The following VPS13A variants were observed in gnomAD, a reference collection of about 807,000 sequenced individuals.
VPS13A encodes vacuolar protein sorting 13 homolog A.
VPS13A carries 264 observed loss-of-function variants against 390.9 expected under a neutral mutation model. The observed-to-expected ratio is 0.68, with a 90% CI of 0.61 to 0.75. The LOEUF is 0.75. VPS13A is among the 30% of genes least tolerant of loss of function. The pLI, the probability that VPS13A is intolerant of heterozygous loss-of-function variation, is 0.00. For synonymous variants in VPS13A, 1,231 were observed against 1,227.1 expected, an observed-to-expected ratio of 1.00 and a Z score of -0.07; for missense variants, 3,409 against 3,733.9, an observed-to-expected ratio of 0.91 and a Z score of 2.27.
At chr9:77,356,619 T>G in intron 54 of VPS13A, 95 bp from the exon 55 acceptor site, 1 of 1,379,084 alleles carries the variant, frequency 7.3e-7, no homozygotes, top group Non-Finnish European at 1.0e-6. Context: ...GTTCTGAAAT[T>G]TTAGTGAAGG....
At chr9:77,375,558 G>A (rs1343730448) in intron 67 of VPS13A, among the ~76,000 whole-genome samples, 4 of 152,140 alleles carry the variant, frequency 2.6e-5, no homozygotes, top group Admixed American at 2.6e-4. Context: ...AAAGAACTAA[G>A]TAGGAAGATA....
intron 27 of VPS13A, 135 bp downstream of exon 27, chr9:77,280,373 T>A (rs915027942): frequency 1.5e-6 from 1 of 646,490 alleles, no homozygotes; most frequent in Non-Finnish European, 2.6e-6. Flanking sequence ...ATACTAAGGT[T>A]TTTTTTATTT....
chr9:77,292,467 GT>G (rs994078204), intron 31 of VPS13A, among the ~76,000 whole-genome samples: 2 of 151,690 alleles, frequency 1.3e-5, no homozygotes, highest in Non-Finnish European at 2.9e-5. Flanking sequence ...AGTTTATCGG[GT>G]TTTTTTTCCT....
chr9:77,260,718 A>G lies in VPS13A; in HGVS notation c.2427+494A>G, dbSNP rs78310541. ...AAGTATAAATAGTTAAGAAAGATAT[A>G]AAATAATAAATCTACTTTTCTAATT... On this transcript the variant is annotated intron_variant, in intron 23 of 71. Transcript: ENST00000360280. 4.9e-3 allele frequency among the ~76,000 whole-genome samples: 739 copies of G among 152,148 alleles called. 6 individuals are homozygous for G. The highest frequency in any genetic ancestry group is 0.017 in the African/African-American group (701 of 41,520).
chr9:77,247,403 CTAA>C lies in VPS13A; in HGVS notation c.2037+14_2037+16del. 6.2e-7 allele frequency: 1 copy of C among 1,601,422 alleles called. No individual in the cohort carries two copies. Among genetic ancestry groups the C allele is most frequent in the Non-Finnish European group, 8.5e-7 (1 of 1,174,426 alleles). On this transcript the variant is annotated intron_variant, in intron 20 of 71. Coordinates refer to ENST00000360280, the MANE Select transcript of VPS13A (RefSeq NM_033305.3). ...GACCTTGGTCATCTAAAGGTATATA[CTAA>C]TAATATTTGATTTATGATACAGCAT...
At chr9:77,216,943 C>T (rs1199477674) in intron 10 of VPS13A, among the ~76,000 whole-genome samples, 3 of 152,148 alleles carry the variant, frequency 2.0e-5, no homozygotes, top group African/African-American at 7.2e-5. Flanking sequence ...TTATTCTGGC[C>T]ATGCTGGCAG....
At chr9:77,310,753 G>C (rs1829026045) in intron 35 of VPS13A, among the ~76,000 whole-genome samples, 3 of 152,082 alleles carry the variant, frequency 2.0e-5, no homozygotes, top group Admixed American at 1.3e-4. Context: ...GATGGATCAG[G>C]GGAAACAAAT....
At chr9:77,204,430 C>T (rs967588151) in intron 3 of VPS13A, among the ~76,000 whole-genome samples, 2 of 151,864 alleles carry the variant, frequency 1.3e-5, no homozygotes, top group South Asian at 2.1e-4. Flanking sequence ...AGGATGTTTT[C>T]ATTAGTTTGC....
intron 46 of VPS13A, among the ~76,000 whole-genome samples, chr9:77,336,862 T>C (rs963072462): frequency 7.0e-6 from 1 of 142,868 alleles, no homozygotes; most frequent in African/African-American, 2.6e-5. Context: ...AGTGGCGCAA[T>C]CTCGGCTCAC....
intron 68 of VPS13A, among the ~76,000 whole-genome samples, chr9:77,396,632 C>T (rs1390561911): frequency 1.3e-5 from 2 of 152,054 alleles, no homozygotes. Context: ...CCATGGCACT[C>T]GAGTCTGAGG....
chr9:77,310,818 G>C (rs1829030085), intron 35 of VPS13A, among the ~76,000 whole-genome samples: 1 of 152,132 alleles, frequency 6.6e-6, no homozygotes, highest in African/African-American at 2.4e-5. Flanking sequence ...ACAAGAAATA[G>C]ATGTTTGAAT....
intron 52 of VPS13A, among the ~76,000 whole-genome samples, chr9:77,348,441 A>G (rs1271142647): frequency 6.6e-6 from 1 of 152,128 alleles, no homozygotes; most frequent in East Asian, 1.9e-4. Context: ...AGGGAGGGGA[A>G]CAACGCACAC....
At position 77,339,854 on chromosome 9, in the gene VPS13A, T is replaced by G; in HGVS notation, c.6717T>G (p.Asn2239Lys). ...GAATTCATCGAAAGCATCCACCTAA[T>G]TATAAAAAGCCAGTTCTCTTTTCTT... is the stretch of plus-strand genomic sequence containing the variant. ...ADGIHRKHPP[N>K]YKKPVLFSFQ... Residue 2239 changes from asparagine to lysine, a missense_variant, in exon 48 of 72, where the codon AAT (asparagine) becomes AAG (lysine). Asn to Lys is a moderately conservative substitution (Grantham distance 94, BLOSUM62 0). Transcript: ENST00000360280. The G allele has an allele frequency of 6.2e-7, 1 of 1,613,762 alleles. No individual in the cohort carries two copies. Among genetic ancestry groups the G allele is most frequent in the Non-Finnish European group, 8.5e-7 (1 of 1,179,948 alleles).
chr9:77,345,603 T>C (rs1831105957), intron 52 of VPS13A, among the ~76,000 whole-genome samples: 1 of 152,214 alleles, frequency 6.6e-6, no homozygotes, highest in Non-Finnish European at 1.5e-5. Flanking sequence ...GGACTACTCT[T>C]CAACATTATT....
At chr9:77,415,324 A>G (rs1835129011) in intron 71 of VPS13A, among the ~76,000 whole-genome samples, 1 of 152,186 alleles carries the variant, frequency 6.6e-6, no homozygotes, top group African/African-American at 2.4e-5. Flanking sequence ...TCCCTATCTT[A>G]GGGCTATTCT....
At chr9:77,249,113 A>G (rs1825003977) in intron 20 of VPS13A, among the ~76,000 whole-genome samples, 1 of 152,208 alleles carries the variant, frequency 6.6e-6, no homozygotes, top group Non-Finnish European at 1.5e-5. Context: ...CATTAAATGT[A>G]GAGGAATATC....
chr9:77,218,917 C>T (rs562275833), intron 10 of VPS13A, among the ~76,000 whole-genome samples: 2 of 152,092 alleles, frequency 1.3e-5, no homozygotes, highest in East Asian at 3.9e-4. Flanking sequence ...ATGTTTTTAC[C>T]CCCGGCCGTG....
chr9:77,279,014 A>G (rs1309198378), intron 26 of VPS13A, among the ~76,000 whole-genome samples: 1 of 152,118 alleles, frequency 6.6e-6, no homozygotes, highest in African/African-American at 2.4e-5. Context: ...GGTGTCTACA[A>G]CCCCTGAAGC....
At position 77,303,034 on chromosome 9, in the gene VPS13A, A is replaced by G. The variant is rs1002483628; in HGVS notation, c.3932A>G (p.Asn1311Ser). ...TGGTACCAGGAAGTTCCTTGTTTTAATGTAAATGCTCAGCTGAAACCAATG... is the reference window on the plus strand; with the variant it reads ...TGGTACCAGGAAGTTCCTTGTTTTAGTGTAAATGCTCAGCTGAAACCAATG... The part of the protein sequence containing the change: ...WEWYQEVPCF[N>S]VNAQLKPMEF... The change falls in exon 34 of 72, where the codon AAT becomes AGT. Residue 1311 changes from asparagine to serine, a missense_variant. This residue lies in a region of VPS13A where 2,717 missense variants were observed against 2,917.4 expected (regional missense o/e 0.93). Coordinates refer to ENST00000360280, the MANE Select transcript of VPS13A (RefSeq NM_033305.3). 6.2e-7 allele frequency: 1 copy of G among 1,613,890 alleles called. No individual in the cohort carries two copies. The highest frequency in any genetic ancestry group is 1.3e-5 in the African/African-American group (1 of 74,926).
Sources: allele counts gnomAD v4.1 joint callset (sites outside exome capture counted in the v4.1 genomes callset), GRCh38; gene constraint gnomAD v4.1.1; regional missense constraint gnomAD v4.1.1; transcripts MANE v1.5; gene names NCBI Gene and HGNC (gene_info 2026-07-23, HGNC 2026-07-21).